The following LPP variants were observed in gnomAD, a reference collection of about 807,000 sequenced individuals.
LPP encodes the protein LIM domain containing preferred translocation partner in lipoma.
LPP carries 38 observed loss-of-function variants against 60.4 expected under a neutral mutation model. The observed-to-expected ratio is 0.63, with a 90% CI of 0.49 to 0.83. The LOEUF is 0.83. Among genes scored for constraint, LPP ranks in the 40% least tolerant of loss-of-function variants. The pLI is 0.00. For synonymous variants in LPP, 328 were observed against 290.8 expected, an observed-to-expected ratio of 1.13 and a Z score of -1.30; for missense variants, 902 against 783.6, an observed-to-expected ratio of 1.15 and a Z score of -1.80.
chr3:188,328,501 T>C (rs1358934521), intron 2 of LPP, among the ~76,000 whole-genome samples: 1 of 152,230 alleles, frequency 6.6e-6, no homozygotes, highest in Non-Finnish European at 1.5e-5. Flanking sequence ...ACATGAATTT[T>C]ATTTTTGGCT....
In LPP at chr3:188,786,712, C is replaced by G. The variant is rs117342170; in HGVS notation, c.1410+26430C>G. On this transcript the variant is annotated intron_variant, in intron 9 of 11. Transcript: ENST00000617246. ...GTCTTTCAACAGGTGAATGGTTAAACGGTGGCACATTCTTACCCTGGAATA... is the reference window on the plus strand; with the variant it reads ...GTCTTTCAACAGGTGAATGGTTAAAGGGTGGCACATTCTTACCCTGGAATA... Among the ~76,000 whole-genome samples, 5 of 152,238 alleles carry G rather than the reference C, an allele frequency of 3.3e-5. No homozygotes were observed. The South Asian group carries it at 1.0e-3, about 32-fold the overall frequency.
chr3:188,276,719 C>G (rs937453082), intron 2 of LPP, among the ~76,000 whole-genome samples: 6 of 142,706 alleles, frequency 4.2e-5, no homozygotes, highest in African/African-American at 1.1e-4. Flanking sequence ...CTCTCTCTCT[C>G]TCTCTGTCTG....
intron 9 of LPP, among the ~76,000 whole-genome samples, chr3:188,836,476 T>G (rs1758473135): frequency 1.3e-5 from 2 of 152,240 alleles, no homozygotes; most frequent in South Asian, 2.1e-4. Flanking sequence ...ATTGTTTCTG[T>G]GTGAACAACT....
chr3:188,264,921 A>G (rs1452329390), intron 2 of LPP, among the ~76,000 whole-genome samples: 2 of 152,192 alleles, frequency 1.3e-5, no homozygotes, highest in African/African-American at 2.4e-5. Flanking sequence ...TCAACCTGCA[A>G]TTATTTGTCA....
chr3:188,495,119 A>T (rs1158431419), intron 5 of LPP, among the ~76,000 whole-genome samples: 20 of 103,960 alleles, frequency 1.9e-4, no homozygotes, highest in Admixed American at 1.2e-3. Context: ...TTATATATTT[A>T]TATTTATATT....
chr3:188,502,487 CTGTT>C (rs1275288311), intron 5 of LPP, among the ~76,000 whole-genome samples: 4 of 152,046 alleles, frequency 2.6e-5, no homozygotes, highest in Non-Finnish European at 4.4e-5. Context: ...TCATTTTAAA[CTGTT>C]TGTGTCTTTG....
rs184633277 is a variant in LPP at position 188,259,167 on chromosome 3, T to C, written c.-67+33640T>C. Among the ~76,000 whole-genome samples the C allele has an allele frequency of 3.9e-5, 6 of 152,352 alleles. No homozygotes were observed. In the East Asian group the frequency reaches 7.7e-4, roughly 20 times the overall value. On this transcript the variant is annotated intron_variant, in intron 2 of 11. Coordinates refer to ENST00000617246, the MANE Select transcript of LPP (RefSeq NM_001375462.1). ...CTAGCTTGAATATTTGTAGTCTCTT[T>C]GATTTTTGTTTGCTAATTTAATTTA...
intron 3 of LPP, among the ~76,000 whole-genome samples, chr3:188,356,289 AT>A (rs1357806347): frequency 6.6e-6 from 1 of 152,112 alleles, no homozygotes; most frequent in East Asian, 1.9e-4. Context: ...TTTCGGGAGG[AT>A]TTTTGGCCAT....
At chr3:188,384,611 GA>G (rs908385332) in intron 3 of LPP, among the ~76,000 whole-genome samples, 5 of 151,660 alleles carry the variant, frequency 3.3e-5, no homozygotes, top group Admixed American at 2.0e-4. Flanking sequence ...CCAACATGGT[GA>G]AACCCCGCCT....
chr3:188,401,129 T>C (rs1231005668), intron 3 of LPP, among the ~76,000 whole-genome samples: 1 of 152,204 alleles, frequency 6.6e-6, no homozygotes, highest in Non-Finnish European at 1.5e-5. Flanking sequence ...GGACTCTATG[T>C]CTATACTATT....
chr3:188,261,545 A>G (rs1733640023), intron 2 of LPP, among the ~76,000 whole-genome samples: 1 of 152,212 alleles, frequency 6.6e-6, no homozygotes, highest in Non-Finnish European at 1.5e-5. Context: ...GCTCAGACTC[A>G]AAGTCTAATT....
chr3:188,538,932 C>T (rs1392255627), intron 6 of LPP, among the ~76,000 whole-genome samples: 2 of 152,102 alleles, frequency 1.3e-5, no homozygotes, highest in Admixed American at 1.3e-4. Flanking sequence ...CAGACAAAAG[C>T]GACCACAGTT....
intron 5 of LPP, among the ~76,000 whole-genome samples, chr3:188,507,712 T>C (rs570845066): frequency 2.2e-4 from 33 of 152,166 alleles, no homozygotes; most frequent in Non-Finnish European, 4.6e-4. Flanking sequence ...GGAATGGTGA[T>C]GTTCTTTCAT....
chr3:188,851,331 A>G (rs1762628815), intron 9 of LPP, among the ~76,000 whole-genome samples: 1 of 152,240 alleles, frequency 6.6e-6, no homozygotes, highest in African/African-American at 2.4e-5. Flanking sequence ...TAAAAAAGCT[A>G]CTGTCTTTTC....
At chr3:188,154,091 G>A (rs538334695), upstream of LPP, 77 of 161,578 alleles carry the variant, frequency 4.8e-4, no homozygotes, top group East Asian at 0.011. Context: ...GCTCGAGGAG[G>A]CCAGTGTGGG....
intron 2 of LPP, among the ~76,000 whole-genome samples, chr3:188,310,566 A>G (rs939856516): frequency 3.9e-5 from 6 of 152,242 alleles, no homozygotes; most frequent in Non-Finnish European, 8.8e-5. Flanking sequence ...TGAAGAGTCT[A>G]TGAAAAGGGG....
chr3:188,339,374 T>C (rs1762462333), intron 2 of LPP, among the ~76,000 whole-genome samples: 1 of 152,240 alleles, frequency 6.6e-6, no homozygotes. Context: ...TCAGCTTTCC[T>C]ATTGCTTAAA....
At chr3:188,804,801 T>C (rs1748582856) in intron 9 of LPP, among the ~76,000 whole-genome samples, 1 of 152,028 alleles carries the variant, frequency 6.6e-6, no homozygotes, top group African/African-American at 2.4e-5. Flanking sequence ...CATTGAGTCT[T>C]TTGCCATTAA....
intron 2 of LPP, among the ~76,000 whole-genome samples, chr3:188,270,553 C>A (rs1345897756): frequency 6.6e-6 from 1 of 152,174 alleles, no homozygotes; most frequent in Admixed American, 6.5e-5. Context: ...TACCCAAGGC[C>A]TGAGTTCTGT....
Sources: gnomAD v4.1 joint callset for allele counts (sites outside exome capture counted in the v4.1 genomes callset) on GRCh38, gnomAD v4.1.1 for gene constraint, MANE v1.5 for transcripts, NCBI Gene and HGNC (gene_info 2026-07-23, HGNC 2026-07-21) for gene names.